CTDP1: variants seen among roughly 807,000 people sequenced by gnomAD.
CTDP1 encodes RNA polymerase II subunit A C-terminal domain phosphatase.
Under a neutral mutation model 91.8 loss-of-function variants are expected in CTDP1, and 47 were observed. That is an observed-to-expected ratio of 0.51 (90% CI 0.41 to 0.65). The LOEUF (loss-of-function observed/expected upper bound fraction) is 0.65. Among genes scored for constraint, CTDP1 ranks in the 30% least tolerant of loss-of-function variants. The pLI, the probability that CTDP1 is intolerant of heterozygous loss-of-function variation, is 0.00. For synonymous variants in CTDP1, 656 were observed against 598.5 expected (o/e 1.10, Z -1.40); for missense variants, 1,272 against 1,373.7 (o/e 0.93, Z 1.17).
intron 1 of CTDP1, among the ~76,000 whole-genome samples, chr18:79,682,556 T>C (rs2085397191): frequency 6.6e-6 from 1 of 152,274 alleles, no homozygotes; most frequent in Admixed American, 6.5e-5. Context: ...TGCTTTGGTC[T>C]GCGAGGGCCA....
At position 79,736,415 on chromosome 18, in the gene CTDP1, GAGC is replaced by G. The variant is rs2086667345; in HGVS notation, c.2644_2646del (p.Gln882del). 1 of 1,549,376 alleles carries G rather than the reference GAGC, an allele frequency of 6.5e-7. No homozygotes were observed. The highest frequency in any genetic ancestry group is 2.0e-5 in the Admixed American group (1 of 50,998). On this transcript the variant is annotated inframe_deletion, in exon 12 of 13. Transcript: ENST00000613122. ...CGACAGCGAGAAGAGGAGGCCTGAG[GAGC>G]AGGAGGAGGAGCCCCAGCCCCGGAA...
chr18:79,740,462 G>T (rs567184878), intron 12 of CTDP1, among the ~76,000 whole-genome samples: 23 of 152,342 alleles, frequency 1.5e-4, no homozygotes, highest in African/African-American at 5.5e-4. Flanking sequence ...AGATGTGAAT[G>T]TTTTGAAATT....
intron 11 of CTDP1, among the ~76,000 whole-genome samples, chr18:79,729,829 T>A (rs933385422): frequency 6.6e-6 from 1 of 152,194 alleles, no homozygotes; most frequent in Non-Finnish European, 1.5e-5. Flanking sequence ...CCCTCATGGG[T>A]GGCGCCTGTG....
chr18:79,729,989 G>T (rs1410805040), intron 11 of CTDP1, among the ~76,000 whole-genome samples: 1 of 152,218 alleles, frequency 6.6e-6, no homozygotes, highest in Non-Finnish European at 1.5e-5. Flanking sequence ...AGGCAGCAGA[G>T]GTTCTTGAGG....
At chr18:79,698,475 G>A (rs1258427879) in intron 4 of CTDP1, among the ~76,000 whole-genome samples, 1 of 152,180 alleles carries the variant, frequency 6.6e-6, no homozygotes, top group African/African-American at 2.4e-5. Context: ...TTCTCCAGGG[G>A]AAACACGGGG....
At chr18:79,744,540 A>C (rs1192497132) in intron 12 of CTDP1, among the ~76,000 whole-genome samples, 1 of 152,252 alleles carries the variant, frequency 6.6e-6, no homozygotes, top group African/African-American at 2.4e-5. Context: ...AGAGGCCATC[A>C]CCGTAGGAAA....
At chr18:79,720,840 C>T (rs923609452) in intron 10 of CTDP1, among the ~76,000 whole-genome samples, 20 of 152,192 alleles carry the variant, frequency 1.3e-4, no homozygotes, top group Non-Finnish European at 4.4e-5. Context: ...GCCCTCATCT[C>T]GGACCCCCAG....
In CTDP1 at chr18:79,680,181, G is replaced by A; in HGVS notation, c.234G>A (p.Arg78=). 7.2e-7 allele frequency: 1 copy of A among 1,382,874 alleles called. No homozygotes were observed. The highest frequency in any genetic ancestry group is 9.3e-7 in the Non-Finnish European group (1 of 1,074,438). 85.7% of individuals were successfully genotyped at this position (1,382,874 alleles called of 1,614,324 possible). A position where few individuals can be genotyped will look rare whatever the true frequency, so the allele number is the denominator to read the frequency against. ...CCGGGGGCTGCGTGCGCCCCGCGCG[G>A]CCGGAACGCAGGCTGAGGTCGGAGC... ...VASGGCVRPA[R]PERRLRSERA... is the part of the protein sequence containing the mutation. The change falls in exon 1 of 13, where the codon CGG becomes CGA. Residue 78 remains arginine (R), a synonymous_variant. Transcript: ENST00000613122.
chr18:79,740,243 C>G (rs1468870822), intron 12 of CTDP1, among the ~76,000 whole-genome samples: 1 of 152,184 alleles, frequency 6.6e-6, no homozygotes, highest in Non-Finnish European at 1.5e-5. Context: ...CCACGCCTGC[C>G]GTTTGCGGAT....
At chr18:79,719,901 AC>A (rs2122672370) in intron 10 of CTDP1, among the ~76,000 whole-genome samples, 1 of 128,342 alleles carries the variant, frequency 7.8e-6, no homozygotes, top group African/African-American at 3.0e-5. Flanking sequence ...TGATGATGTC[AC>A]CTCCCATCGT....
At chr18:79,747,851 T>C (rs899283446) in intron 12 of CTDP1, among the ~76,000 whole-genome samples, 3 of 152,130 alleles carry the variant, frequency 2.0e-5, no homozygotes, top group African/African-American at 4.8e-5. Flanking sequence ...TCCATCCCCT[T>C]TGGATTAGAT....
intron 8 of CTDP1, among the ~76,000 whole-genome samples, chr18:79,715,866 G>A (rs931294954): frequency 4.6e-5 from 7 of 152,162 alleles, no homozygotes; most frequent in African/African-American, 1.4e-4. Context: ...ACAGGAGTTC[G>A]CAGGTAAAAG....
chr18:79,720,059 GTGA>G (rs1472762573), intron 10 of CTDP1, among the ~76,000 whole-genome samples: 10 of 140,596 alleles, frequency 7.1e-5, no homozygotes, highest in Admixed American at 2.2e-4. Context: ...AGGCGTCCTG[GTGA>G]TGATGTCACC....
intron 10 of CTDP1, among the ~76,000 whole-genome samples, chr18:79,726,601 ATT>A (rs35457671): frequency 2.4e-4 from 36 of 149,092 alleles, no homozygotes; most frequent in East Asian, 6.0e-4. Context: ...CCCATCACTG[ATT>A]TTTTTTTTTT....
intron 12 of CTDP1, among the ~76,000 whole-genome samples, chr18:79,743,073 T>C: frequency 6.6e-6 from 1 of 152,186 alleles, no homozygotes; most frequent in East Asian, 1.9e-4. Context: ...TGACAGCAGA[T>C]GGTGACTGGA....
Position 79,697,998 on chromosome 18 carries a change from G to A in CTDP1, c.621+10G>A. ...GCAGATGTCGAATAAAGTGAGTGCA[G>A]TCAGCATCTACGGACAGTTTCCCAG... On this transcript the variant is annotated intron_variant, in intron 4 of 12. Coordinates refer to ENST00000613122, the MANE Select transcript of CTDP1 (RefSeq NM_004715.5). 1.9e-6 allele frequency: 3 copies of A among 1,614,222 alleles called. No homozygotes were observed. Among genetic ancestry groups the A allele is most frequent in the South Asian group, 1.1e-5 (1 of 91,086 alleles).
At chr18:79,744,153 T>TC (rs1568218468) in intron 12 of CTDP1, among the ~76,000 whole-genome samples, 1 of 152,204 alleles carries the variant, frequency 6.6e-6, no homozygotes, top group East Asian at 1.9e-4. Flanking sequence ...GTTCCAGCTG[T>TC]CCCACCTTTC....
rs113762153 is a variant in CTDP1 at position 79,680,361 on chromosome 18, C to T, written c.314+100C>T. On this transcript the variant is annotated intron_variant, in intron 1 of 12. Transcript: ENST00000613122. ...GCGTCCGCGGTGGGCAGGGGCGCCC[C>T]TGGTGAGGGAGCGATAAAGCGGGAC... 0.051 allele frequency: 49,930 copies of T among 974,642 alleles called. 1,555 individuals carry two copies. Among genetic ancestry groups the T allele is most frequent in the South Asian group, 0.15 (3,227 of 21,418 alleles). 60.4% of individuals were successfully genotyped at this position (974,642 alleles called of 1,614,324 possible). A position where few individuals can be genotyped will look rare whatever the true frequency, so the allele number is the denominator to read the frequency against.
chr18:79,723,397 G>A (rs1156967302), intron 10 of CTDP1, among the ~76,000 whole-genome samples: 2 of 152,158 alleles, frequency 1.3e-5, no homozygotes, highest in Non-Finnish European at 2.9e-5. Flanking sequence ...TCGGAACCCC[G>A]TGCAGACCCC....
Sources: gnomAD v4.1 joint callset for allele counts (sites outside exome capture counted in the v4.1 genomes callset) on GRCh38, gnomAD v4.1.1 for gene constraint, MANE v1.5 for transcripts, NCBI Gene and HGNC (gene_info 2026-07-23, HGNC 2026-07-21) for gene names.